SLC2A5: variants seen among roughly 807,000 people sequenced by gnomAD.
SLC2A5 encodes solute carrier family 2, facilitated glucose transporter member 5.
A neutral mutation model predicts 50.3 loss-of-function variants in SLC2A5; 56 were observed. The observed-to-expected ratio is 1.11, with a 90% CI of 0.90 to 1.39. SLC2A5 has a LOEUF of 1.39. Among genes scored for constraint, SLC2A5 ranks in the 40% most tolerant of loss-of-function variants. The probability of loss-of-function intolerance (pLI) is 0.00; values close to 1 mark genes in which losing one functional copy is unlikely to be tolerated. For synonymous variants in SLC2A5, 269 were observed against 281.9 expected (o/e 0.95, Z 0.46); for missense variants, 566 against 650.1 (o/e 0.87, Z 1.41).
chr1:9,053,278 T>TATATATTTATATACTATATATATTTA (rs1641645844), intron 3 of SLC2A5, among the ~76,000 whole-genome samples: 1 of 11,004 alleles, frequency 9.1e-5, no homozygotes, highest in African/African-American at 4.9e-4. Context: ...TATTATATAT[T>TATATATTTATATACTATATATATTTA]TATATATTGT....
At chr1:9,047,536 C>G in intron 4 of SLC2A5, 74 bp downstream of exon 4, 1 of 1,518,482 alleles carries the variant, frequency 6.6e-7, no homozygotes, top group Non-Finnish European at 9.0e-7. Context: ...CAGATTGGTT[C>G]TAGTCCCTGG....
chr1:9,087,079 A>T (rs1026322163), intron 1 of SLC2A5, among the ~76,000 whole-genome samples: 6 of 152,120 alleles, frequency 3.9e-5, no homozygotes, highest in Non-Finnish European at 7.4e-5. Flanking sequence ...AAACCCTTAA[A>T]TATCCTTAGG....
intron 10 of SLC2A5, 115 bp downstream of exon 10, chr1:9,038,316 G>A: frequency 1.2e-6 from 1 of 802,432 alleles, no homozygotes; most frequent in Middle Eastern, 2.8e-4. Context: ...GACGGGGGAA[G>A]AGATGCCATT....
intron 2 of SLC2A5, among the ~76,000 whole-genome samples, chr1:9,057,888 C>G (rs13306770): frequency 2.0e-5 from 3 of 152,258 alleles, no homozygotes; most frequent in South Asian, 2.1e-4. Flanking sequence ...CCCTGGCCCC[C>G]CCGGATTCCC....
At chr1:9,056,536 A>G (rs1641756530) in intron 3 of SLC2A5, among the ~76,000 whole-genome samples, 1 of 151,868 alleles carries the variant, frequency 6.6e-6, no homozygotes, top group Non-Finnish European at 1.5e-5. Context: ...GAGGAGTCAG[A>G]GTCTGGGTTA....
chr1:9,042,385 A>C (rs1641325222), intron 4 of SLC2A5, among the ~76,000 whole-genome samples: 1 of 151,916 alleles, frequency 6.6e-6, no homozygotes, highest in Non-Finnish European at 1.5e-5. Flanking sequence ...ACATAGTGGA[A>C]CCGTTTCCAC....
chr1:9,077,121 T>A (rs1455779563), intron 2 of SLC2A5, among the ~76,000 whole-genome samples: 1 of 149,934 alleles, frequency 6.7e-6, no homozygotes, highest in African/African-American at 2.4e-5. Context: ...AAAGGAAGGC[T>A]GGACATGGTG....
At chr1:9,038,297 C>A (rs1323000090) in intron 10 of SLC2A5, 134 bp downstream of exon 10, 2 of 738,596 alleles carry the variant, frequency 2.7e-6, no homozygotes, top group Non-Finnish European at 4.8e-6. Context: ...CACCCACCCC[C>A]TTGCGGTGGA....
intron 1 of SLC2A5, among the ~76,000 whole-genome samples, chr1:9,068,104 C>T (rs185892012): frequency 4.8e-4 from 68 of 142,202 alleles, no homozygotes; most frequent in Admixed American, 4.3e-3. Context: ...GTGGGAGGAT[C>T]GCTTGAGCCC....
chr1:9,078,813 A>C (rs1642320517), intron 2 of SLC2A5, among the ~76,000 whole-genome samples: 1 of 152,154 alleles, frequency 6.6e-6, no homozygotes, highest in South Asian at 2.1e-4. Context: ...TCTGGGCCTA[A>C]TAAATTTTGC....
intron 3 of SLC2A5, 97 bp downstream of exon 3, chr1:9,057,351 T>C: frequency 2.9e-6 from 2 of 678,172 alleles, no homozygotes; most frequent in Non-Finnish European, 4.7e-6. Context: ...GTGGTTATTA[T>C]CTTAGTCTCA....
chr1:9,081,616 C>T (rs184356932), intron 2 of SLC2A5, among the ~76,000 whole-genome samples: 5 of 151,984 alleles, frequency 3.3e-5, no homozygotes, highest in East Asian at 3.9e-4. Context: ...ATTCAAAATG[C>T]GCAAAACACT....
At chr1:9,087,133 C>G (rs1455046083) in intron 1 of SLC2A5, among the ~76,000 whole-genome samples, 1 of 152,150 alleles carries the variant, frequency 6.6e-6, no homozygotes, top group East Asian at 1.9e-4. Flanking sequence ...GGCCAGAAGC[C>G]ACTTTCAGGT....
At chr1:9,069,844 C>T, upstream of SLC2A5, 1 of 309,484 alleles carries the variant, frequency 3.2e-6, no homozygotes, top group Non-Finnish European at 6.1e-6. Context: ...ACCAGTCAGG[C>T]TCATGGTGAA....
Position 9,037,282 on chromosome 1 carries a change from A to G in SLC2A5, c.*304T>C. ...GTTACCAGGAGCCACACAAAGGTTG[A>G]CCCATCAAGGTGGAGCCACGTTACC... On this transcript the variant is annotated 3_prime_UTR_variant, in exon 12 of 12. Coordinates refer to ENST00000377424, the MANE Select transcript of SLC2A5 (RefSeq NM_003039.3). 1 of 368,328 alleles carries G rather than the reference A, an allele frequency of 2.7e-6. No individual in the cohort carries two copies. Among genetic ancestry groups the G allele is most frequent in the Non-Finnish European group, 5.1e-6 (1 of 195,986 alleles). The allele number at this position is 368,328 out of a possible 1,614,324, so 22.8% of individuals were successfully genotyped here. A position where few individuals can be genotyped will look rare whatever the true frequency, so the allele number is the denominator to read the frequency against.
the SLC2A5 span, among the ~76,000 whole-genome samples, chr1:9,093,512 C>A: frequency 1.3e-5 from 2 of 152,174 alleles, no homozygotes; most frequent in African/African-American, 4.8e-5. Flanking sequence ...TACTACAGAC[C>A]ATCAGTGGTA....
Position 9,039,832 on chromosome 1 carries a change from T to C in SLC2A5, c.853A>G (p.Met285Val). The C allele has an allele frequency of 6.2e-7, 1 of 1,605,208 alleles. No homozygotes were observed. The highest frequency in any genetic ancestry group is 1.3e-5 in the African/African-American group (1 of 74,688). Reference sequence around the variant, plus strand: ...ACGCCCGACAGCTGCTGGCCGCCCATGAGGACGATGATGGACAGCAGCTGC... The same window carrying C: ...ACGCCCGACAGCTGCTGGCCGCCCACGAGGACGATGATGGACAGCAGCTGC... ...RWQLLSIIVLMGGQQLSGVNA... is the reference protein window; with the variant it reads ...RWQLLSIIVLVGGQQLSGVNA... The change falls in exon 7 of 12, where the codon ATG becomes GTG. Residue 285 changes from methionine (M) to valine (V), a missense_variant. Physicochemically the swap from Met to Val is conservative, Grantham distance 21 (BLOSUM62 1). Transcript: ENST00000377424.
intron 1 of SLC2A5, among the ~76,000 whole-genome samples, chr1:9,086,433 G>C (rs532140553): frequency 2.0e-5 from 3 of 149,114 alleles, no homozygotes; most frequent in Non-Finnish European, 4.4e-5. Flanking sequence ...TTGTTGCCCA[G>C]GCTGGAGTGT....
intron 1 of SLC2A5, among the ~76,000 whole-genome samples, chr1:9,062,886 T>TAAC (rs111338868): frequency 0.075 from 11,369 of 151,480 alleles, 599 homozygotes; most frequent in African/African-American, 0.16. Flanking sequence ...AATAAATAAA[T>TAAC]AAATAAATAA....
Sources: gnomAD v4.1 joint callset for allele counts (sites outside exome capture counted in the v4.1 genomes callset) on GRCh38, gnomAD v4.1.1 for gene constraint, MANE v1.5 for transcripts, NCBI Gene and HGNC (gene_info 2026-07-23, HGNC 2026-07-21) for gene names.